PACC1: variants seen among roughly 807,000 people sequenced by gnomAD.
The protein encoded by PACC1 is proton activated chloride channel 1.
PACC1 carries 34 observed loss-of-function variants against 39.7 expected under a neutral mutation model. The observed-to-expected ratio is 0.86, with a 90% CI of 0.65 to 1.14. The LOEUF (loss-of-function observed/expected upper bound fraction) is 1.14, where lower values mean the gene tolerates loss of function less well. Ranked by LOEUF, PACC1 falls within the 50% of genes most tolerant of loss-of-function variation. The pLI is 0.00. For missense variants in PACC1, 379 were observed against 436.4 expected (o/e 0.87, Z 1.17); for synonymous variants, 127 against 160.6 (o/e 0.79, Z 1.58).
chr1:212,384,439 C>G (rs1661022207), intron 4 of PACC1, among the ~76,000 whole-genome samples: 1 of 152,206 alleles, frequency 6.6e-6, no homozygotes, highest in South Asian at 2.1e-4. Flanking sequence ...CATCACCCAT[C>G]AGTCTTCCAG....
At chr1:212,365,426 ATTCTT>A in intron 7 of PACC1, 50 bp from the exon 8 acceptor site, 1 of 967,334 alleles carries the variant, frequency 1.0e-6, no homozygotes, top group Non-Finnish European at 1.5e-6. Flanking sequence ...TTCAGTCTTG[ATTCTT>A]TTTTTTTTTT....
At chr1:212,383,722 C>G (rs890598681) in intron 4 of PACC1, among the ~76,000 whole-genome samples, 2 of 152,164 alleles carry the variant, frequency 1.3e-5, no homozygotes, top group East Asian at 1.9e-4. Flanking sequence ...AGGCCTCTCC[C>G]TTGCATGGGA....
At chr1:212,376,192 C>T (rs1165914909) in intron 6 of PACC1, among the ~76,000 whole-genome samples, 1 of 152,094 alleles carries the variant, frequency 6.6e-6, no homozygotes, top group Non-Finnish European at 1.5e-5. Flanking sequence ...CCAGCTCCAC[C>T]CAGAGGCTCA....
intron 7 of PACC1, among the ~76,000 whole-genome samples, chr1:212,367,414 C>G (rs924147921): frequency 1.3e-5 from 2 of 152,146 alleles, no homozygotes; most frequent in Non-Finnish European, 2.9e-5. Context: ...GAAAACAGCA[C>G]CAGGCAGAAT....
chr1:212,413,863 G>A, intron 1 of PACC1: 1 of 1,517,680 alleles, frequency 6.6e-7, no homozygotes, highest in Non-Finnish European at 8.8e-7. Flanking sequence ...AGAGGTTACA[G>A]CAAACACAGG....
chr1:212,381,770 G>GACACACACACACACACACACACACACAC (rs10529310), intron 4 of PACC1, among the ~76,000 whole-genome samples: 7 of 118,078 alleles, frequency 5.9e-5, no homozygotes, highest in South Asian at 2.6e-4. Context: ...ACAGCACAGT[G>GACACACACACACACACACACACACACAC]ACACACACAC....
intron 5 of PACC1, among the ~76,000 whole-genome samples, chr1:212,379,137 G>C (rs112038997): frequency 6.6e-6 from 1 of 151,958 alleles, no homozygotes; most frequent in Non-Finnish European, 1.5e-5. Flanking sequence ...TAGAGATGGG[G>C]TTTCACCATG....
Position 212,377,616 on chromosome 1 carries a change from T to C in PACC1, c.729A>G (p.Ser243=). 6.2e-7 allele frequency: 1 copy of C among 1,614,154 alleles called. No individual in the cohort carries two copies. The highest frequency in any genetic ancestry group is 8.5e-7 in the Non-Finnish European group (1 of 1,180,016). ...SGGFRTWVKM[S]LVKTKEEDGR... ...CATCCTCCTCCTTGGTCTTTACCAG[T>C]GACATCTTGACCCAGGTGCGGAAGC... Residue 243 remains serine, a synonymous_variant, in exon 6 of 8, where the codon TCA becomes TCG. Transcript: ENST00000261455.
chr1:212,404,739 G>A (rs1661845415), intron 2 of PACC1, among the ~76,000 whole-genome samples: 1 of 150,426 alleles, frequency 6.6e-6, no homozygotes, highest in East Asian at 2.0e-4. Context: ...TGGGATTACA[G>A]GCGTGCATCA....
chr1:212,376,558 A>G (rs1027440875), intron 6 of PACC1, among the ~76,000 whole-genome samples: 3 of 152,220 alleles, frequency 2.0e-5, no homozygotes, highest in Admixed American at 6.5e-5. Context: ...GGGGCCAGAT[A>G]AGAAAGGACT....
Position 212,414,854 on chromosome 1 carries a change from G to C in PACC1, c.-97C>G. 3 of 1,533,238 alleles carry C rather than the reference G, an allele frequency of 2.0e-6. No individual in the cohort carries two copies. The highest frequency in any genetic ancestry group is 2.3e-5 in the South Asian group (2 of 87,486). 95.0% of individuals were successfully genotyped at this position (1,533,238 alleles called of 1,614,324 possible). A position where few individuals can be genotyped will look rare whatever the true frequency, so the allele number is the denominator to read the frequency against. On this transcript the variant is annotated 5_prime_UTR_variant, in exon 1 of 8. Coordinates refer to ENST00000261455, the MANE Select transcript of PACC1 (RefSeq NM_018252.3). ...CTGCACCTGGACCTACCGGCTCCGCGAGGCGAAACCGGTCCGGAGGGGCGT... is the reference window on the plus strand; with the variant it reads ...CTGCACCTGGACCTACCGGCTCCGCCAGGCGAAACCGGTCCGGAGGGGCGT...
intron 7 of PACC1, among the ~76,000 whole-genome samples, chr1:212,367,985 GGA>G (rs2102463138): frequency 6.6e-6 from 1 of 152,134 alleles, no homozygotes; most frequent in South Asian, 2.1e-4. Context: ...GACAGCCATG[GGA>G]GTACCTGCCT....
chr1:212,413,636 T>G (rs2102553435), intron 1 of PACC1, among the ~76,000 whole-genome samples: 1 of 152,162 alleles, frequency 6.6e-6, no homozygotes, highest in South Asian at 2.1e-4. Context: ...TGCCAGACCC[T>G]AGGTGGGTTA....
At position 212,365,141 on chromosome 1, in the gene PACC1, A is replaced by T. The variant is rs1350302215; in HGVS notation, c.*74T>A. ...TTCAAGTGAGTACAGGATTGTTGAT[A>T]GCTCCGTTTACAAAGTGGAAGTGAT... is the stretch of plus-strand genomic sequence containing the variant. On this transcript the variant is annotated 3_prime_UTR_variant, in exon 8 of 8. Transcript: ENST00000261455. 6.8e-7 allele frequency: 1 copy of T among 1,478,148 alleles called. No homozygotes were observed. Among genetic ancestry groups the T allele is most frequent in the Non-Finnish European group, 9.2e-7 (1 of 1,085,792 alleles). 91.6% of individuals were successfully genotyped at this position (1,478,148 alleles called of 1,614,324 possible).
chr1:212,384,379 A>G (rs964850880), intron 4 of PACC1, among the ~76,000 whole-genome samples: 36 of 152,136 alleles, frequency 2.4e-4, no homozygotes, highest in African/African-American at 8.2e-4. Flanking sequence ...GTGGCTCTAC[A>G]GCACGATGCA....
chr1:212,381,741 C>G (rs1660900217), intron 4 of PACC1, among the ~76,000 whole-genome samples: 1 of 125,230 alleles, frequency 8.0e-6, no homozygotes, highest in African/African-American at 3.2e-5. Flanking sequence ...CCCACATGGA[C>G]CAGAACAATG....
chr1:212,379,165 G>A (rs1051734906), intron 5 of PACC1, among the ~76,000 whole-genome samples: 11 of 151,960 alleles, frequency 7.2e-5, no homozygotes, highest in African/African-American at 1.7e-4. Context: ...GGATGGTCTC[G>A]ATCTCCTGAC....
chr1:212,403,775 G>A (rs1661800461), intron 2 of PACC1, among the ~76,000 whole-genome samples: 1 of 152,064 alleles, frequency 6.6e-6, no homozygotes. Context: ...ATATTGCCCA[G>A]GCTGGTCTTG....
chr1:212,364,746 G>C lies in PACC1; in HGVS notation c.*469C>G, dbSNP rs1294953426. ...ATGGCAGATGATGCCAAAGTCATAG[G>C]GTTTTGCCTTTGTGTACAGTGCATA... On this transcript the variant is annotated 3_prime_UTR_variant, in exon 8 of 8. Transcript: ENST00000261455. The C allele has an allele frequency of 6.6e-6, 1 of 152,606 alleles. No homozygotes were observed. Among genetic ancestry groups the C allele is most frequent in the African/African-American group, 2.4e-5 (1 of 41,450 alleles). The allele number at this position is 152,606 out of a possible 1,614,324, so 9.5% of individuals were successfully genotyped here. A position where few individuals can be genotyped will look rare whatever the true frequency, so the allele number is the denominator to read the frequency against.
Sources: allele counts gnomAD v4.1 joint callset (sites outside exome capture counted in the v4.1 genomes callset), GRCh38; gene constraint gnomAD v4.1.1; transcripts MANE v1.5; gene names NCBI Gene and HGNC (gene_info 2026-07-23, HGNC 2026-07-21).